The following MAGI2 variants were observed in gnomAD, a reference collection of about 807,000 sequenced individuals.
MAGI2 encodes membrane associated guanylate kinase, WW and PDZ domain containing 2, also known as membrane-associated guanylate kinase, WW and PDZ domain-containing protein 2.
A neutral mutation model predicts 133.3 loss-of-function variants in MAGI2; 35 were observed. The ratio of observed to expected loss-of-function variants is 0.26; its 90% CI spans 0.20 to 0.35. The LOEUF is 0.35. Ranked by LOEUF, MAGI2 falls within the 10% of genes least tolerant of loss-of-function variation. MAGI2 has a pLI of 1.00. For missense variants in MAGI2, 1,636 were observed against 1,863.4 expected (o/e 0.88, Z 2.25); for synonymous variants, 729 against 710.6 (o/e 1.03, Z -0.41).
chr7:78,725,459 C>A (rs573662262), intron 2 of MAGI2, among the ~76,000 whole-genome samples: 1 of 152,150 alleles, frequency 6.6e-6, no homozygotes, highest in Non-Finnish European at 1.5e-5. Context: ...AACTGTTTAC[C>A]AAGTATTAAC....
intron 3 of MAGI2, among the ~76,000 whole-genome samples, chr7:78,553,840 A>G (rs929418126): frequency 2.6e-5 from 4 of 152,098 alleles, no homozygotes; most frequent in African/African-American, 7.2e-5. Context: ...ATTGCTTCCT[A>G]TGATATGTAT....
At chr7:78,041,714 G>C (rs7799860) in intron 21 of MAGI2, among the ~76,000 whole-genome samples, 45,584 of 152,010 alleles carry the variant, frequency 0.3, 6,831 homozygotes, top group South Asian at 0.37. Context: ...AAAACAAAAG[G>C]CTGGAAAGTC....
chr7:79,211,239 A>G lies in MAGI2; in HGVS notation c.302-204033T>C, dbSNP rs137891807. Among the ~76,000 whole-genome samples, 345 of 152,102 alleles carry G rather than the reference A, an allele frequency of 2.3e-3. 1 individual carries two copies. The highest frequency in any genetic ancestry group is 1.2e-3 in the Non-Finnish European group (80 of 68,008). Reference sequence around the variant, plus strand: ...TATCAATATCTCTAATTTATCTACCATCTATCAATATTTTGTTAAAACGTA... The same window carrying G: ...TATCAATATCTCTAATTTATCTACCGTCTATCAATATTTTGTTAAAACGTA... On this transcript the variant is annotated intron_variant, in intron 1 of 21. Transcript: ENST00000354212.
chr7:78,628,307 AG>A (rs1199568110), intron 2 of MAGI2, among the ~76,000 whole-genome samples: 1 of 124,760 alleles, frequency 8.0e-6, no homozygotes, highest in Non-Finnish European at 1.8e-5. Flanking sequence ...TATAGAAGCC[AG>A]ATATATAAGG....
chr7:78,686,371 T>C (rs1013562156), intron 2 of MAGI2, among the ~76,000 whole-genome samples: 2 of 152,144 alleles, frequency 1.3e-5, no homozygotes, highest in African/African-American at 4.8e-5. Flanking sequence ...TCTCCCCTCC[T>C]TACACACCCA....
intron 7 of MAGI2, among the ~76,000 whole-genome samples, chr7:78,363,511 G>GATAATAATAATAATAATGATA (rs1793060441): frequency 6.8e-6 from 1 of 147,788 alleles, no homozygotes; most frequent in East Asian, 2.0e-4. Context: ...TAATAATAAT[G>GATAATAATAATAATAATGATA]ATAATAATAA....
intron 1 of MAGI2, among the ~76,000 whole-genome samples, chr7:79,189,292 A>G (rs1357162484): frequency 7.4e-6 from 1 of 134,236 alleles, no homozygotes; most frequent in African/African-American, 3.1e-5. Flanking sequence ...ATTCCTGTTA[A>G]TGTTTGCCAT....
intron 2 of MAGI2, among the ~76,000 whole-genome samples, chr7:78,719,634 G>A: frequency 6.6e-6 from 1 of 152,306 alleles, no homozygotes; most frequent in African/African-American, 2.4e-5. Context: ...AACGACAAAG[G>A]TCATGCCAAG....
chr7:79,308,996 AAAAT>A (rs1269165936), intron 1 of MAGI2, among the ~76,000 whole-genome samples: 3 of 152,166 alleles, frequency 2.0e-5, no homozygotes, highest in African/African-American at 7.2e-5. Flanking sequence ...CTGACAAAGA[AAAAT>A]AAAGCCTCAG....
intron 2 of MAGI2, among the ~76,000 whole-genome samples, chr7:78,664,913 C>T (rs1813380897): frequency 6.6e-6 from 1 of 151,970 alleles, no homozygotes; most frequent in African/African-American, 2.4e-5. Flanking sequence ...ACTCATGATT[C>T]ATTCTTCCTT....
At chr7:78,603,578 C>T (rs1431854343) in intron 3 of MAGI2, among the ~76,000 whole-genome samples, 1 of 152,164 alleles carries the variant, frequency 6.6e-6, no homozygotes, top group Non-Finnish European at 1.5e-5. Flanking sequence ...GGCTGGAGTG[C>T]ACGACGCGAT....
chr7:79,407,886 C>T (rs965558783), intron 1 of MAGI2, among the ~76,000 whole-genome samples: 2 of 151,858 alleles, frequency 1.3e-5, no homozygotes, highest in African/African-American at 4.8e-5. Context: ...AAATCTGTTT[C>T]TATATTGACA....
intron 2 of MAGI2, among the ~76,000 whole-genome samples, chr7:78,902,125 T>C (rs1046359605): frequency 6.6e-6 from 1 of 152,206 alleles, no homozygotes; most frequent in Non-Finnish European, 1.5e-5. Flanking sequence ...TTGTTATTTG[T>C]ATTCTTCTGT....
chr7:79,185,802 C>A (rs1325183361), intron 1 of MAGI2, among the ~76,000 whole-genome samples: 2 of 151,688 alleles, frequency 1.3e-5, no homozygotes, highest in African/African-American at 2.4e-5. Flanking sequence ...GAAAATCCTG[C>A]TGATGGATGT....
At chr7:78,348,005 C>G (rs1791091134) in intron 7 of MAGI2, among the ~76,000 whole-genome samples, 1 of 152,186 alleles carries the variant, frequency 6.6e-6, no homozygotes, top group African/African-American at 2.4e-5. Flanking sequence ...TACATAACTT[C>G]CTTACCAAAA....
chr7:78,247,508 CAGTG>C (rs1373496101), intron 10 of MAGI2, among the ~76,000 whole-genome samples: 4 of 151,808 alleles, frequency 2.6e-5, no homozygotes, highest in Admixed American at 2.6e-4. Flanking sequence ...TAAGCAAACT[CAGTG>C]AGATACAAGA....
chr7:78,787,654 T>C (rs948181884), intron 2 of MAGI2, among the ~76,000 whole-genome samples: 5 of 152,200 alleles, frequency 3.3e-5, no homozygotes, highest in Non-Finnish European at 7.3e-5. Flanking sequence ...AAGCTAATGC[T>C]GAATAATATC....
intron 1 of MAGI2, among the ~76,000 whole-genome samples, chr7:79,446,508 G>T (rs1410783041): frequency 3.3e-5 from 5 of 151,774 alleles, no homozygotes; most frequent in African/African-American, 7.3e-5. Context: ...AAATAAAAAT[G>T]GCATAAAACC....
chr7:78,189,194 A>C (rs1470941794), intron 12 of MAGI2, among the ~76,000 whole-genome samples: 1 of 152,224 alleles, frequency 6.6e-6, no homozygotes, highest in Admixed American at 6.5e-5. Context: ...GAACAACGAA[A>C]GAATTCAATA....
Sources: allele counts gnomAD v4.1 joint callset (sites outside exome capture counted in the v4.1 genomes callset), GRCh38; gene constraint gnomAD v4.1.1; transcripts MANE v1.5; gene names NCBI Gene and HGNC (gene_info 2026-07-23, HGNC 2026-07-21).